CDH3: variants seen among roughly 807,000 people sequenced by gnomAD.
CDH3 encodes the protein cadherin-3.
In CDH3, 54 loss-of-function variants were observed where a neutral mutation model predicts 82.0. The ratio of observed to expected loss-of-function variants is 0.66; its 90% CI spans 0.53 to 0.83. The LOEUF (loss-of-function observed/expected upper bound fraction) is 0.83, where lower values mean the gene tolerates loss of function less well. Among genes scored for constraint, CDH3 ranks in the 40% least tolerant of loss-of-function variants. The pLI is 0.00. For synonymous variants in CDH3, 446 were observed against 437.9 expected, an observed-to-expected ratio of 1.02 and a Z score of -0.23; for missense variants, 1,054 against 1,084.6, an observed-to-expected ratio of 0.97 and a Z score of 0.40.
At chr16:68,677,334 A>T (rs1961060480) in intron 3 of CDH3, among the ~76,000 whole-genome samples, 1 of 152,180 alleles carries the variant, frequency 6.6e-6, no homozygotes, top group South Asian at 2.1e-4. Flanking sequence ...ACCCTTTTAC[A>T]CAAAAGGTGG....
chr16:68,684,773 C>T lies in CDH3; in HGVS notation c.1373C>T (p.Pro458Leu). 1 of 1,614,188 alleles carries T rather than the reference C, an allele frequency of 6.2e-7. No individual in the cohort carries two copies. ...EVQEGIPTGE[P>L]VCVYTAEDPD... ...CAGGAGGGCATCCCCACTGGGGAGC[C>T]TGTGTGTGTCTACACTGCAGAAGAC... The change falls in exon 10 of 16, where the codon CCT (proline) becomes CTT (leucine). Residue 458 changes from proline to leucine, a missense_variant. Physicochemically the swap from Pro to Leu is moderately conservative, Grantham distance 98. Transcript: ENST00000264012.
intron 15 of CDH3, 158 bp downstream of exon 15, chr16:68,696,081 G>C (rs776515563): frequency 1.2e-4 from 93 of 790,656 alleles, no homozygotes; most frequent in Non-Finnish European, 1.7e-4. Context: ...GTAACTTCTG[G>C]GGTTTGTTTC....
At chr16:68,676,543 C>T (rs1037429825) in intron 3 of CDH3, 73 bp downstream of exon 3, 1 of 1,221,910 alleles carries the variant, frequency 8.2e-7, no homozygotes, top group East Asian at 2.3e-5. Context: ...TGGCCAGGAG[C>T]CCTTGGTTGC....
intron 2 of CDH3, among the ~76,000 whole-genome samples, chr16:68,661,342 C>A (rs925791150): frequency 2.6e-5 from 4 of 152,134 alleles, no homozygotes; most frequent in African/African-American, 7.2e-5. Flanking sequence ...AGTTACTTAA[C>A]CTCTGTGCCT....
Position 68,685,527 on chromosome 16 carries a change from C to T in CDH3, c.1570+177C>T, listed in dbSNP as rs3114400. ...AGTCTTTTAAAGACTGGTCCTAGGC[C>T]GGATGCAGTGGCTCATGCCTGTAAT... On this transcript the variant is annotated intron_variant, in intron 11 of 15. Coordinates refer to ENST00000264012, the MANE Select transcript of CDH3 (RefSeq NM_001793.6). 0.21 allele frequency among the ~76,000 whole-genome samples: 31,862 copies of T among 152,156 alleles called. 3,762 individuals are homozygous for T. Among genetic ancestry groups the T allele is most frequent in the Admixed American group, 0.27 (4,136 of 15,278 alleles).
chr16:68,717,637 G>A (rs979466848), intron 1 of CDH3, among the ~76,000 whole-genome samples: 2 of 152,248 alleles, frequency 1.3e-5, no homozygotes, highest in Middle Eastern at 3.4e-3. Context: ...GCCGGGCGTG[G>A]TGGCAGGCAC....
At chr16:68,695,972 A>C (rs748546664) in intron 15 of CDH3, 49 bp downstream of exon 15, 60 of 1,597,310 alleles carry the variant, frequency 3.8e-5, no homozygotes, top group Non-Finnish European at 3.4e-6. Flanking sequence ...CAAGCCCAGC[A>C]CCAGCCACAC....
At position 68,698,233 on chromosome 16, in the gene CDH3, G is replaced by T. The variant is rs150829939; in HGVS notation, c.2323G>T (p.Asp775Tyr). ...CACAGACCCCACAGCCCCGCCCTAC[G>T]ACACCCTCTTGGTGTTCGACTATGA... is the stretch of plus-strand genomic sequence containing the variant. ...ANTDPTAPPY[D>Y]TLLVFDYEGS... The change falls in exon 16 of 16, where the codon GAC becomes TAC. Residue 775 changes from aspartate (D) to tyrosine (Y), a missense_variant. Transcript: ENST00000264012. The T allele has an allele frequency of 6.2e-7, 1 of 1,614,054 alleles. No individual in the cohort carries two copies. Among genetic ancestry groups the T allele is most frequent in the African/African-American group, 1.3e-5 (1 of 74,922 alleles).
At chr16:68,713,921 TA>T (rs1555508367) in intron 1 of CDH3, among the ~76,000 whole-genome samples, 2 of 58,866 alleles carry the variant, frequency 3.4e-5, no homozygotes, top group Non-Finnish European at 5.2e-5. Context: ...TTATTCTATT[TA>T]TTATTATTAT....
chr16:68,708,631 CTTTCTT>C (rs1427538729), intron 1 of CDH3, among the ~76,000 whole-genome samples: 2 of 150,038 alleles, frequency 1.3e-5, no homozygotes, highest in African/African-American at 4.9e-5. Flanking sequence ...TCTTTTCTTT[CTTTCTT>C]TTTCTTTTTT....
rs1211709156 is a variant in CDH3 at position 68,682,495 on chromosome 16, A to C, written c.1182+8A>C. 2 of 1,613,828 alleles carry C rather than the reference A, an allele frequency of 1.2e-6. No individual in the cohort carries two copies. The highest frequency in any genetic ancestry group is 2.7e-5 in the African/African-American group (2 of 74,916). Reference sequence around the variant, plus strand: ...ATCCTGACAACCAGGAAGGTGAGTCAGTTCGGGCCTCAGACAATGGCTATA... The same window carrying C: ...ATCCTGACAACCAGGAAGGTGAGTCCGTTCGGGCCTCAGACAATGGCTATA... On this transcript the variant is annotated splice_region_variant and intron_variant, in intron 9 of 15. Transcript: ENST00000264012.
chr16:68,711,853 A>C (rs920026763), intron 1 of CDH3, among the ~76,000 whole-genome samples: 1 of 151,906 alleles, frequency 6.6e-6, no homozygotes, highest in Admixed American at 6.6e-5. Flanking sequence ...GTGGGAGGAT[A>C]AGAGGAACAA....
intron 11 of CDH3, among the ~76,000 whole-genome samples, chr16:68,685,595 C>T (rs982530150): frequency 4.6e-5 from 7 of 152,128 alleles, no homozygotes; most frequent in Non-Finnish European, 7.4e-5. Context: ...CACCTGAGGT[C>T]GGGGGTTCGA....
downstream of CDH3, among the ~76,000 whole-genome samples, chr16:68,730,735 T>C (rs1293707384): frequency 6.6e-6 from 1 of 151,584 alleles, no homozygotes; most frequent in East Asian, 1.9e-4. Flanking sequence ...TAAAATATTA[T>C]TTGGGCCGGG....
intron 2 of CDH3, among the ~76,000 whole-genome samples, chr16:68,658,241 T>C (rs1322189829): frequency 1.3e-5 from 2 of 151,982 alleles, no homozygotes; most frequent in Non-Finnish European, 2.9e-5. Context: ...TTTAGAGAAA[T>C]GATTTGCACT....
chr16:68,674,434 T>C (rs879369195), intron 2 of CDH3, among the ~76,000 whole-genome samples: 3 of 152,182 alleles, frequency 2.0e-5, no homozygotes, highest in Non-Finnish European at 4.4e-5. Flanking sequence ...ATTAATCGTT[T>C]AGGATTCTTC....
At chr16:68,661,439 A>G (rs897225934) in intron 2 of CDH3, among the ~76,000 whole-genome samples, 4 of 152,236 alleles carry the variant, frequency 2.6e-5, no homozygotes, top group African/African-American at 9.6e-5. Context: ...ATGAAACGGC[A>G]TGTAGTGAGT....
chr16:68,675,621 C>T (rs983305260), intron 2 of CDH3, among the ~76,000 whole-genome samples: 5 of 151,938 alleles, frequency 3.3e-5, no homozygotes, highest in African/African-American at 9.7e-5. Flanking sequence ...ATGGGGAAAC[C>T]CAATCTCTAC....
At chr16:68,683,376 G>T (rs1256112279) in intron 9 of CDH3, among the ~76,000 whole-genome samples, 4 of 152,090 alleles carry the variant, frequency 2.6e-5, no homozygotes, top group African/African-American at 9.7e-5. Flanking sequence ...TCCAGACCGG[G>T]TGCTGTGGCT....
Sources: gnomAD v4.1 joint callset for allele counts (sites outside exome capture counted in the v4.1 genomes callset) on GRCh38, gnomAD v4.1.1 for gene constraint, MANE v1.5 for transcripts, NCBI Gene and HGNC (gene_info 2026-07-23, HGNC 2026-07-21) for gene names.